The following UPRT variants were observed in gnomAD, a reference collection of about 807,000 sequenced individuals.
UPRT encodes uracil phosphoribosyltransferase homolog.
Under a neutral mutation model 22.6 loss-of-function variants are expected in UPRT, and 5 were observed. That is an observed-to-expected ratio of 0.22 (90% confidence interval 0.12 to 0.47). The LOEUF is 0.47. Ranked by LOEUF, UPRT falls within the 20% of genes least tolerant of loss-of-function variation. The pLI is 0.99. For missense variants in UPRT, 181 were observed against 239.9 expected (o/e 0.75, Z 1.62); for synonymous variants, 77 against 87.7 (o/e 0.88, Z 0.68).
At chrX:75,287,970 G>A (rs745740821) in intron 1 of UPRT, among the ~76,000 whole-genome samples, 23 of 110,969 alleles carry the variant, frequency 2.1e-4, no homozygotes, top group South Asian at 7.6e-4. Context: ...CCAAATAAGC[G>A]CAATCTGAAA....
chrX:75,210,952 T>G (rs1274244196), intron 4 of UPRT, among the ~76,000 whole-genome samples: 1 of 111,224 alleles, frequency 9.0e-6, no homozygotes, highest in Non-Finnish European at 1.9e-5. Context: ...CTAGGCAATA[T>G]AAGAGAGGAA....
intron 4 of UPRT, among the ~76,000 whole-genome samples, chrX:75,248,460 C>T (rs894130904): frequency 2.1e-4 from 23 of 111,322 alleles, no homozygotes; most frequent in African/African-American, 4.6e-4. Context: ...AGGGTATCAG[C>T]GATGGAAGAC....
intron 1 of UPRT, among the ~76,000 whole-genome samples, chrX:75,287,006 A>G (rs1177289133): frequency 5.4e-5 from 6 of 111,725 alleles, no homozygotes; most frequent in Non-Finnish European, 1.1e-4. Flanking sequence ...CTGGAAAAGA[A>G]GGTAGTAATA....
intron 4 of UPRT, among the ~76,000 whole-genome samples, chrX:75,254,042 G>A (rs1248332128): frequency 9.0e-6 from 1 of 111,422 alleles, no homozygotes; most frequent in East Asian, 2.8e-4. Flanking sequence ...GTAACAACTT[G>A]AACTCATTGA....
chrX:75,269,327 T>C (rs1245558389), upstream of UPRT, among the ~76,000 whole-genome samples: 2 of 112,090 alleles, frequency 1.8e-5, no homozygotes, highest in Admixed American at 9.5e-5. Context: ...ATGGCCATAC[T>C]GCCCAAATGA....
At chrX:75,202,754 T>G (rs1013796223) in intron 4 of UPRT, 4 of 111,945 alleles carry the variant, frequency 3.6e-5, no homozygotes, top group Non-Finnish European at 7.5e-5. Context: ...CAGAGAAGAT[T>G]AGCATGTCCA....
intron 3 of UPRT, among the ~76,000 whole-genome samples, chrX:75,164,748 T>A (rs1459519947): frequency 9.0e-6 from 1 of 111,547 alleles, no homozygotes; most frequent in Non-Finnish European, 1.9e-5. Context: ...ACTTTATAGG[T>A]GAATTATATA....
intron 4 of UPRT, among the ~76,000 whole-genome samples, chrX:75,180,751 T>C (rs1481586094): frequency 3.0e-5 from 3 of 100,690 alleles, no homozygotes; most frequent in African/African-American, 1.1e-4. Context: ...TTCTTATAGA[T>C]TCTGGATATT....
chrX:75,198,674 T>G (rs1381585932), intron 4 of UPRT, among the ~76,000 whole-genome samples: 1 of 111,657 alleles, frequency 9.0e-6, no homozygotes, highest in African/African-American at 3.3e-5. Flanking sequence ...GAAGAAATGA[T>G]AAAAATGCAG....
chrX:75,266,672 A>T (rs911498288), intron 4 of UPRT, among the ~76,000 whole-genome samples: 3 of 111,577 alleles, frequency 2.7e-5, no homozygotes, highest in African/African-American at 6.5e-5. Flanking sequence ...AATGAGAGAA[A>T]ATGTTTGCAA....
chrX:75,252,390 C>A (rs1042896389), intron 4 of UPRT, among the ~76,000 whole-genome samples: 2 of 111,866 alleles, frequency 1.8e-5, no homozygotes, highest in Non-Finnish European at 3.8e-5. Flanking sequence ...AGGACATGAA[C>A]AGACACTTCT....
chrX:75,160,107 C>T lies in UPRT; in HGVS notation c.-736-443C>T, dbSNP rs763959050. On this transcript the variant is annotated intron_variant, in intron 1 of 13. Transcript: ENST00000652605. ...AAAATAATGACTTAGTTGAAGATCCCGGCATTGCCCTTCTCTAATCCTAGT... is the reference window on the plus strand; with the variant it reads ...AAAATAATGACTTAGTTGAAGATCCTGGCATTGCCCTTCTCTAATCCTAGT... Among the ~76,000 whole-genome samples the T allele has an allele frequency of 6.3e-5, 7 of 111,485 alleles. No individual in the cohort carries two copies. The South Asian group carries it at 1.5e-3, about 24-fold the overall frequency.
chrX:75,228,756 A>T (rs1023966155), intron 4 of UPRT, among the ~76,000 whole-genome samples: 4 of 111,897 alleles, frequency 3.6e-5, no homozygotes, highest in Non-Finnish European at 3.8e-5. Flanking sequence ...TCTCTTTTTT[A>T]TATACCTTTT....
At chrX:75,182,506 G>A (rs2082273684) in intron 4 of UPRT, among the ~76,000 whole-genome samples, 1 of 111,176 alleles carries the variant, frequency 9.0e-6, no homozygotes, top group African/African-American at 3.3e-5. Flanking sequence ...CTGGTTTATA[G>A]GGTTTTTATT....
intron 4 of UPRT, among the ~76,000 whole-genome samples, chrX:75,191,730 G>A (rs781110577): frequency 1.8e-5 from 2 of 112,239 alleles, no homozygotes; most frequent in South Asian, 7.5e-4. Flanking sequence ...CTAGCAATGA[G>A]CGAGGCTCCA....
chrX:75,292,665 G>GC (rs1169050178), intron 1 of UPRT, among the ~76,000 whole-genome samples: 3 of 111,728 alleles, frequency 2.7e-5, no homozygotes, highest in African/African-American at 9.7e-5. Flanking sequence ...TACATAAGCT[G>GC]TAAATCAATC....
chrX:75,276,435 T>G (rs1006084884), intron 1 of UPRT, among the ~76,000 whole-genome samples: 1 of 111,751 alleles, frequency 8.9e-6, no homozygotes, highest in African/African-American at 3.3e-5. Context: ...GAATCAATAT[T>G]GAAAACTACT....
chrX:75,249,840 C>G (rs1237017364), intron 4 of UPRT, among the ~76,000 whole-genome samples: 1 of 111,425 alleles, frequency 9.0e-6, no homozygotes, highest in African/African-American at 3.3e-5. Flanking sequence ...TGTAAAAGAA[C>G]AGAAATTATA....
At chrX:75,294,320 A>C (rs752183847) in intron 2 of UPRT, among the ~76,000 whole-genome samples, 14 of 110,901 alleles carry the variant, frequency 1.3e-4, no homozygotes, top group Non-Finnish European at 2.5e-4. Flanking sequence ...ATTTCACTAA[A>C]ATTGCGTGAA....
Sources: allele counts gnomAD v4.1 joint callset (sites outside exome capture counted in the v4.1 genomes callset), GRCh38; gene constraint gnomAD v4.1.1; transcripts MANE v1.5; gene names NCBI Gene and HGNC (gene_info 2026-07-23, HGNC 2026-07-21).